RPS6KA4: variants seen among roughly 807,000 people sequenced by gnomAD.
RPS6KA4 encodes ribosomal protein S6 kinase A4.
RPS6KA4 carries 38 observed loss-of-function variants against 89.6 expected under a neutral mutation model. That is an observed-to-expected ratio of 0.42 (90% CI 0.33 to 0.56). The LOEUF is 0.56. Among genes scored for constraint, RPS6KA4 ranks in the 20% least tolerant of loss-of-function variants. RPS6KA4 has a pLI of 0.07. For missense variants in RPS6KA4, 873 were observed against 1,098.8 expected (o/e 0.79, Z 2.90); for synonymous variants, 495 against 492.8 (o/e 1.00, Z -0.06).
chr11:64,368,341 T>G, intron 10 of RPS6KA4, 81 bp downstream of exon 10: 1 of 1,560,918 alleles, frequency 6.4e-7, no homozygotes, highest in South Asian at 1.2e-5. Context: ...TAGATCCAAC[T>G]GGCGCCCGCA....
Position 64,360,520 on chromosome 11 carries a change from C to T in RPS6KA4, c.390C>T (p.Arg130=). ...GGEMFTHLYQ[R]QYFKEAEVRV... ...AGATGTTCACCCACCTCTACCAGCG[C>T]CAGTACTTCAAGGAGGCTGAGGTGC... Residue 130 remains arginine, a synonymous_variant, in exon 4 of 17, where the codon CGC becomes CGT. Coordinates refer to ENST00000334205, the MANE Select transcript of RPS6KA4 (RefSeq NM_003942.3). 1.9e-6 allele frequency: 3 copies of T among 1,612,464 alleles called. No individual in the cohort carries two copies. Among genetic ancestry groups the T allele is most frequent in the Non-Finnish European group, 2.5e-6 (3 of 1,179,290 alleles).
intron 4 of RPS6KA4, 171 bp downstream of exon 4, chr11:64,360,763 C>T (rs761497649): frequency 5.7e-5 from 36 of 629,454 alleles, no homozygotes; most frequent in African/African-American, 4.4e-4. Context: ...GAAGCCTCAA[C>T]GTTGCCTGGT....
Position 64,361,794 on chromosome 11 carries a change from C to T in RPS6KA4, c.755+49C>T, listed in dbSNP as rs1191371804. On this transcript the variant is annotated intron_variant, in intron 7 of 16. Transcript: ENST00000334205. The surrounding 1 kb of genome is among the most constrained non-coding windows in gnomAD (Gnocchi z 4.7). ...GCGGCCAGAGGGCTGCAGGGCCTGC[C>T]TGGGCAGGGCTGTGGGTGGGGGGCT... The T allele has an allele frequency of 6.3e-7, 1 of 1,583,218 alleles. No individual in the cohort carries two copies. The highest frequency in any genetic ancestry group is 1.7e-4 in the Middle Eastern group (1 of 5,894).
chr11:64,365,258 G>T lies in RPS6KA4; in HGVS notation c.907-43G>T, dbSNP rs755638052. The T allele has an allele frequency of 1.8e-5, 29 of 1,589,550 alleles. No homozygotes were observed. In the South Asian group the frequency reaches 3.3e-4, roughly 18 times the overall value. On this transcript the variant is annotated intron_variant, in intron 8 of 16. Coordinates refer to ENST00000334205, the MANE Select transcript of RPS6KA4 (RefSeq NM_003942.3). ...GTGGGCTGAGTGGAGGGAGTTTCTCGTTCCTGGCCTTTGACACCTGACCTC... is the reference window on the plus strand; with the variant it reads ...GTGGGCTGAGTGGAGGGAGTTTCTCTTTCCTGGCCTTTGACACCTGACCTC...
rs933164629 is a variant in RPS6KA4, at chr11:64,371,680, AG to A, written c.*207del. 7 of 479,228 alleles carry A rather than the reference AG, an allele frequency of 1.5e-5. No individual in the cohort carries two copies. The highest frequency in any genetic ancestry group is 1.2e-4 in the South Asian group (4 of 33,916). The allele number at this position is 479,228 out of a possible 1,614,324, so 29.7% of individuals were successfully genotyped here. ...GTCTTACCAGATAGAGTTGCAGGGA[AG>A]GGGGGGCCTGCTGGGGAGTGGGGTT... On this transcript the variant is annotated 3_prime_UTR_variant, in exon 17 of 17. Transcript: ENST00000334205.
chr11:64,368,073 C>T, intron 9 of RPS6KA4, 59 bp from the exon 10 acceptor site: 1 of 1,577,318 alleles, frequency 6.3e-7, no homozygotes, highest in Non-Finnish European at 8.7e-7. Flanking sequence ...ACCAGAGTCT[C>T]CTCACCCGCA....
Position 64,360,145 on chromosome 11 carries a change from C to T in RPS6KA4, c.128-18C>T. 6.5e-6 allele frequency: 10 copies of T among 1,536,234 alleles called. No individual in the cohort carries two copies. The highest frequency in any genetic ancestry group is 8.8e-6 in the Non-Finnish European group (10 of 1,140,470). On this transcript the variant is annotated intron_variant, in intron 2 of 16. Coordinates refer to ENST00000334205, the MANE Select transcript of RPS6KA4 (RefSeq NM_003942.3). ...TCCCGCTCACAGCCCACCCTCCACC[C>T]ACTCGCTGCTCCCACAGCCTACGGC... is the stretch of plus-strand genomic sequence containing the variant.
intron 4 of RPS6KA4, 104 bp downstream of exon 4, chr11:64,360,696 G>A (rs1231454157): frequency 2.1e-6 from 2 of 975,326 alleles, no homozygotes; most frequent in Non-Finnish European, 3.0e-6. Context: ...GGGCTTCCTG[G>A]GGGGCCAGTG....
At position 64,371,430 on chromosome 11, in the gene RPS6KA4, G is replaced by A. The variant is rs1192515568; in HGVS notation, c.2269G>A (p.Ala757Thr). ...AGCCAACCCGGGCCGAGCCCCCGTCGCCTCCAAAGGGGCCCCCCGCCGAGC... is the reference window on the plus strand; with the variant it reads ...AGCCAACCCGGGCCGAGCCCCCGTCACCTCCAAAGGGGCCCCCCGCCGAGC... Reference protein sequence around the residue: ...APANPGRAPVASKGAPRRANG... With the variant: ...APANPGRAPVTSKGAPRRANG... The change falls in exon 17 of 17, where the codon GCC (alanine) becomes ACC (threonine). Residue 757 changes from alanine (A) to threonine (T), a missense_variant. This residue lies in a region of RPS6KA4 where 278 missense variants were observed against 284.8 expected (regional missense o/e 0.98). Coordinates refer to ENST00000334205, the MANE Select transcript of RPS6KA4 (RefSeq NM_003942.3). The A allele has an allele frequency of 1.1e-5, 18 of 1,597,662 alleles. No homozygotes were observed. Among genetic ancestry groups the A allele is most frequent in the Non-Finnish European group, 1.5e-5 (17 of 1,172,374 alleles).
Position 64,370,884 on chromosome 11 carries a change from TCA to T in RPS6KA4, c.2121+160_2121+161del, listed in dbSNP as rs2037049743. Among the ~76,000 whole-genome samples the T allele has an allele frequency of 6.6e-6, 1 of 151,876 alleles. No homozygotes were observed. The highest frequency in any genetic ancestry group is 1.5e-5 in the Non-Finnish European group (1 of 67,952). On this transcript the variant is annotated intron_variant, in intron 16 of 16. Transcript: ENST00000334205. The surrounding 1 kb of genome is among the most constrained non-coding windows in gnomAD (Gnocchi z 4.1). ...GCTTTGGGAGGCCGAGGCGGGCGGATCACGAGGTCAGGGGTTCGAGACCAGCC... is the reference window on the plus strand; with the variant it reads ...GCTTTGGGAGGCCGAGGCGGGCGGATCGAGGTCAGGGGTTCGAGACCAGCC...
chr11:64,359,591 C>T, intron 2 of RPS6KA4, 142 bp downstream of exon 2: 4 of 850,094 alleles, frequency 4.7e-6, no homozygotes, highest in African/African-American at 1.7e-5. Context: ...CCCCGCCCTG[C>T]CTCGCCAGAG....
rs1436963117 is a variant in RPS6KA4 at position 64,371,682 on chromosome 11, G to T, written c.*202G>T. The T allele has an allele frequency of 6.0e-6, 3 of 498,426 alleles. No homozygotes were observed. Among genetic ancestry groups the T allele is most frequent in the African/African-American group, 4.0e-5 (2 of 49,974 alleles). 30.9% of individuals were successfully genotyped at this position (498,426 alleles called of 1,614,324 possible). A position where few individuals can be genotyped will look rare whatever the true frequency, so the allele number is the denominator to read the frequency against. On this transcript the variant is annotated 3_prime_UTR_variant, in exon 17 of 17. Transcript: ENST00000334205. The stretch of plus-strand genomic sequence containing the variant: ...CTTACCAGATAGAGTTGCAGGGAAG[G>T]GGGGGCCTGCTGGGGAGTGGGGTTT...
In RPS6KA4 at chr11:64,370,900, T is replaced by A. The variant is rs1591322256; in HGVS notation, c.2121+174T>A. ...GCGGGCGGATCACGAGGTCAGGGGTTCGAGACCAGCCTGAACAACATGGTG... is the reference window on the plus strand; with the variant it reads ...GCGGGCGGATCACGAGGTCAGGGGTACGAGACCAGCCTGAACAACATGGTG... On this transcript the variant is annotated intron_variant, in intron 16 of 16. Coordinates refer to ENST00000334205, the MANE Select transcript of RPS6KA4 (RefSeq NM_003942.3). This position sits in a 1 kb window ranked among gnomAD's most constrained non-coding sequence, Gnocchi z 4.1. Among the ~76,000 whole-genome samples, 1 of 151,764 alleles carries A rather than the reference T, an allele frequency of 6.6e-6. No individual in the cohort carries two copies. Among genetic ancestry groups the A allele is most frequent in the East Asian group, 1.9e-4 (1 of 5,158 alleles).
chr11:64,368,060 C>A, intron 9 of RPS6KA4, 72 bp from the exon 10 acceptor site: 1 of 1,542,050 alleles, frequency 6.5e-7, no homozygotes, highest in Non-Finnish European at 8.8e-7. Flanking sequence ...TGCCTGGTTC[C>A]CCACCAGAGT....
chr11:64,369,932 C>G (rs1016361818), intron 14 of RPS6KA4, 39 bp downstream of exon 14: 3 of 1,469,258 alleles, frequency 2.0e-6, no homozygotes, highest in Non-Finnish European at 1.8e-6. Flanking sequence ...CAGGGTCGCT[C>G]GGACCTGGCG....
At chr11:64,359,706 C>G in intron 2 of RPS6KA4, 1 of 562,770 alleles carries the variant, frequency 1.8e-6, no homozygotes, top group East Asian at 3.0e-5. Context: ...GGGAGGGGGA[C>G]TGGCGCCCCT....
chr11:64,371,191 G>A, intron 16 of RPS6KA4, 92 bp from the exon 17 acceptor site: 1 of 1,292,420 alleles, frequency 7.7e-7, no homozygotes, highest in Non-Finnish European at 1.1e-6. Context: ...GACCTAGGCG[G>A]CTGGAGGCAA....
Position 64,370,778 on chromosome 11 carries a change from G to GCC in RPS6KA4, c.2121+52_2121+53insCC. The stretch of plus-strand genomic sequence containing the variant: ...AGGGGTGGGCGAAGCCTCGAGAGGT[G>GCC]GGGTCTGGGGAGGCCCGGCCATCGG... On this transcript the variant is annotated intron_variant, in intron 16 of 16. Transcript: ENST00000334205. This position sits in a 1 kb window ranked among gnomAD's most constrained non-coding sequence, Gnocchi z 4.1. 1 of 1,461,828 alleles carries GCC rather than the reference G, an allele frequency of 6.8e-7. No homozygotes were observed. The highest frequency in any genetic ancestry group is 9.0e-7 in the Non-Finnish European group (1 of 1,107,062). 90.6% of individuals were successfully genotyped at this position (1,461,828 alleles called of 1,614,324 possible). A position where few individuals can be genotyped will look rare whatever the true frequency, so the allele number is the denominator to read the frequency against.
intron 2 of RPS6KA4, 76 bp from the exon 3 acceptor site, chr11:64,360,087 G>T: frequency 7.2e-7 from 1 of 1,379,576 alleles, no homozygotes; most frequent in Non-Finnish European, 9.8e-7. Flanking sequence ...TCCTGGGTTG[G>T]CATCGCCCCC....
Sources: allele counts gnomAD v4.1 joint callset (sites outside exome capture counted in the v4.1 genomes callset), GRCh38; gene constraint gnomAD v4.1.1; regional missense constraint gnomAD v4.1.1; non-coding constraint Gnocchi (gnomAD v3.1); transcripts MANE v1.5; gene names NCBI Gene and HGNC (gene_info 2026-07-23, HGNC 2026-07-21).